Variants in WDR11 observed in about 807,000 individuals in gnomAD.
WDR11 encodes WD repeat-containing protein 11.
A neutral mutation model predicts 151.2 loss-of-function variants in WDR11; 83 were observed. The ratio of observed to expected loss-of-function variants is 0.55; its 90% CI spans 0.46 to 0.66. The LOEUF (loss-of-function observed/expected upper bound fraction) is 0.66, where lower values mean the gene tolerates loss of function less well. WDR11 is among the 30% of genes least tolerant of loss of function. The pLI is 0.00. For missense variants in WDR11, 1,301 were observed against 1,480.9 expected, an observed-to-expected ratio of 0.88 and a Z score of 1.99; for synonymous variants, 484 against 533.1, an observed-to-expected ratio of 0.91 and a Z score of 1.27.
At chr10:120,865,831 AG>A in intron 7 of WDR11, 87 bp downstream of exon 7, 1 of 851,822 alleles carries the variant, frequency 1.2e-6, no homozygotes. Context: ...CAAGGTATAT[AG>A]TTAATGATAC....
In WDR11 at chr10:120,886,713, A is replaced by C; in HGVS notation, c.1998A>C (p.Lys666Asn). 1 of 1,613,946 alleles carries C rather than the reference A, an allele frequency of 6.2e-7. No homozygotes were observed. The highest frequency in any genetic ancestry group is 1.3e-5 in the African/African-American group (1 of 75,026). ...GCTTGCTGCAGGAGGCAGAAAGTAAATCTGAACTTAGTCAGAACATCTCTG... is the reference window on the plus strand; with the variant it reads ...GCTTGCTGCAGGAGGCAGAAAGTAACTCTGAACTTAGTCAGAACATCTCTG... ...VISLLQEAES[K>N]SELSQNISAR... Residue 666 changes from lysine (K) to asparagine (N), a missense_variant, in exon 16 of 29, where the codon AAA (lysine) becomes AAC (asparagine). Around this residue, in one of 3 missense-constraint regions of WDR11, gnomAD observed 589 missense variants for 670.6 expected, o/e 0.88. Coordinates refer to ENST00000263461, the MANE Select transcript of WDR11 (RefSeq NM_018117.12).
intron 3 of WDR11, among the ~76,000 whole-genome samples, 197 bp from the exon 4 acceptor site, chr10:120,859,912 A>G (rs1436940414): frequency 6.6e-6 from 1 of 151,614 alleles, no homozygotes; most frequent in Non-Finnish European, 1.5e-5. Context: ...TAACCAGACA[A>G]CTTATTTTTA....
At position 120,897,303 on chromosome 10, in the gene WDR11, C is replaced by T. The variant is rs150181089; in HGVS notation, c.2516-2726C>T. ...TTAGAAAATCACCACTTTGCAGCCC[C>T]GATACAATAATTAATTGTATACACA... On this transcript the variant is annotated intron_variant, in intron 19 of 28. Coordinates refer to ENST00000263461, the MANE Select transcript of WDR11 (RefSeq NM_018117.12). Among the ~76,000 whole-genome samples the T allele has an allele frequency of 2.9e-3, 439 of 152,154 alleles. 1 individual carries two copies. Among genetic ancestry groups the T allele is most frequent in the African/African-American group, 9.6e-3 (399 of 41,506 alleles).
chr10:120,869,452 T>C (rs1039402930), intron 9 of WDR11, among the ~76,000 whole-genome samples: 4 of 149,452 alleles, frequency 2.7e-5, no homozygotes, highest in Admixed American at 1.3e-4. Flanking sequence ...ACGGATTGTA[T>C]AGCAGTTCTT....
intron 3 of WDR11, among the ~76,000 whole-genome samples, chr10:120,859,336 CG>C (rs1846054900): frequency 6.8e-6 from 1 of 148,072 alleles, no homozygotes; most frequent in Non-Finnish European, 1.5e-5. Flanking sequence ...GGCGCTATCT[CG>C]GCTCACTGCA....
intron 28 of WDR11, chr10:120,908,045 AGCATC>A: frequency 1.8e-5 from 3 of 165,852 alleles, no homozygotes; most frequent in East Asian, 1.6e-4. Flanking sequence ...TGAGGATCAA[AGCATC>A]AGCACAGAGT....
At chr10:120,902,094 A>T (rs1026512592) in intron 21 of WDR11, among the ~76,000 whole-genome samples, 163 bp from the exon 22 acceptor site, 3 of 152,354 alleles carry the variant, frequency 2.0e-5, no homozygotes. Flanking sequence ...GCCCCCTTCA[A>T]CTTTTATAAT....
At chr10:120,883,346 A>G (rs1847095582) in intron 13 of WDR11, among the ~76,000 whole-genome samples, 1 of 152,228 alleles carries the variant, frequency 6.6e-6, no homozygotes, top group African/African-American at 2.4e-5. Context: ...GGCTTAACAG[A>G]AAGTGAATAA....
Position 120,886,807 on chromosome 10 carries a change from G to A in WDR11, c.2092G>A (p.Val698Ile). 6.2e-7 allele frequency: 1 copy of A among 1,614,014 alleles called. No homozygotes were observed. Among genetic ancestry groups the A allele is most frequent in the Non-Finnish European group, 8.5e-7 (1 of 1,179,964 alleles). ...VYHLTVEGNS[V>I]KDSARIPPDG... ...TCATCTCACTGTTGAAGGAAACTCA[G>A]TAAAAGACAGTGCTCGGATTCCACC... Residue 698 changes from valine to isoleucine, a missense_variant, in exon 16 of 29, where the codon GTA becomes ATA. Around this residue, in one of 3 missense-constraint regions of WDR11, gnomAD observed 589 missense variants for 670.6 expected, o/e 0.88. Coordinates refer to ENST00000263461, the MANE Select transcript of WDR11 (RefSeq NM_018117.12).
Position 120,901,095 on chromosome 10 carries a change from C to G in WDR11, c.2684C>G (p.Ser895Cys). 6.2e-7 allele frequency: 1 copy of G among 1,608,530 alleles called. No homozygotes were observed. ...CTCCAAGAACAGTTGAATTCATTGT[C>G]TAAGTAAGCACTCCATGTTTCATTA... ...NLLQEQLNSL[S>C]NDIKKLLLDP... The change falls in exon 21 of 29, where the codon TCT becomes TGT. Residue 895 changes from serine (S) to cysteine (C), a missense_variant. By Grantham distance (112) the Ser-to-Cys change is moderately radical. Transcript: ENST00000263461.
chr10:120,883,853 G>C lies in WDR11; in HGVS notation c.1813G>C (p.Glu605Gln). ...WDVRTCTLLR[E>Q]MSKNFPTITA... is the part of the protein sequence containing the mutation. ...TGTTAGGACTTGTACCCTTCTTAGA[G>C]AGATGTCCAAAAACTTCCCTACAAT... Residue 605 changes from glutamate to glutamine, a missense_variant, in exon 14 of 29, where the codon GAG becomes CAG. Glu to Gln is a conservative substitution (Grantham distance 29). This residue lies in a region of WDR11 where 692 missense variants were observed against 762.5 expected (regional missense o/e 0.91). Transcript: ENST00000263461. 1 of 1,613,412 alleles carries C rather than the reference G, an allele frequency of 6.2e-7. No individual in the cohort carries two copies. The highest frequency in any genetic ancestry group is 2.2e-5 in the East Asian group (1 of 44,820).
In WDR11 at chr10:120,909,354, A is replaced by G. The variant is rs1188524671; in HGVS notation, c.*641A>G. The G allele has an allele frequency of 1.3e-5, 2 of 152,496 alleles. No individual in the cohort carries two copies. The highest frequency in any genetic ancestry group is 3.9e-4 in the East Asian group (2 of 5,176). The allele number at this position is 152,496 out of a possible 1,614,324, so 9.4% of individuals were successfully genotyped here. The stretch of plus-strand genomic sequence containing the variant: ...GAGGTCTTTGATATTTTGAATTTTA[A>G]CTCCTTTTATGATACATCACAGTAA... On this transcript the variant is annotated 3_prime_UTR_variant, in exon 29 of 29. Coordinates refer to ENST00000263461, the MANE Select transcript of WDR11 (RefSeq NM_018117.12).
In WDR11 at chr10:120,861,816, C is replaced by T. The variant is rs1399235669; in HGVS notation, c.527-919C>T. ...GATTATTTTTTCAGTCATAAAAAGGCATAATTTGTATTGCTAAATATGGTG... is the reference window on the plus strand; with the variant it reads ...GATTATTTTTTCAGTCATAAAAAGGTATAATTTGTATTGCTAAATATGGTG... On this transcript the variant is annotated intron_variant, in intron 4 of 28. Transcript: ENST00000263461. Among the ~76,000 whole-genome samples, 3 of 152,116 alleles carry T rather than the reference C, an allele frequency of 2.0e-5. No individual in the cohort carries two copies. The East Asian group carries it at 5.8e-4, about 29-fold the overall frequency.
intron 11 of WDR11, among the ~76,000 whole-genome samples, chr10:120,877,201 G>A (rs1312506066): frequency 6.6e-6 from 1 of 152,098 alleles, no homozygotes; most frequent in Non-Finnish European, 1.5e-5. Flanking sequence ...AATATTTATG[G>A]TTGAGTAACA....
chr10:120,879,102 T>C (rs1846906471), intron 12 of WDR11: 1 of 152,190 alleles, frequency 6.6e-6, no homozygotes, highest in African/African-American at 2.4e-5. Flanking sequence ...AAAATAAAAT[T>C]GTGATGAGTT....
chr10:120,858,876 C>A, intron 3 of WDR11, 80 bp downstream of exon 3: 1 of 1,552,892 alleles, frequency 6.4e-7, no homozygotes, highest in Non-Finnish European at 8.8e-7. Context: ...GGGGTTTTCC[C>A]CCATTCATTT....
At chr10:120,873,460 G>C (rs1846619859) in intron 10 of WDR11, among the ~76,000 whole-genome samples, 1 of 152,210 alleles carries the variant, frequency 6.6e-6, no homozygotes, top group African/African-American at 2.4e-5. Flanking sequence ...AGTGAGCTCT[G>C]CTAGATTGCT....
chr10:120,889,354 C>T, intron 17 of WDR11, 170 bp downstream of exon 17: 2 of 575,132 alleles, frequency 3.5e-6, no homozygotes, highest in Non-Finnish European at 6.2e-6. Context: ...TCTCCTGCCT[C>T]AGCCACCCGA....
At chr10:120,892,309 A>G (rs767445711) in intron 19 of WDR11, among the ~76,000 whole-genome samples, 10 of 151,974 alleles carry the variant, frequency 6.6e-5, no homozygotes, top group African/African-American at 1.9e-4. Context: ...ATTTTTTTTT[A>G]TATTCTTTTC....
Sources: gnomAD v4.1 joint callset for allele counts (sites outside exome capture counted in the v4.1 genomes callset) on GRCh38, gnomAD v4.1.1 for gene constraint, gnomAD v4.1.1 regional missense constraint, MANE v1.5 for transcripts, NCBI Gene and HGNC (gene_info 2026-07-23, HGNC 2026-07-21) for gene names.